SCN3A: variants seen among roughly 807,000 people sequenced by gnomAD.
SCN3A encodes the protein sodium voltage-gated channel alpha subunit 3.
Under a neutral mutation model 187.6 loss-of-function variants are expected in SCN3A, and 60 were observed. The observed-to-expected ratio is 0.32, with a 90% CI of 0.26 to 0.40. SCN3A has a LOEUF of 0.40. Ranked by LOEUF, SCN3A falls within the 10% of genes least tolerant of loss-of-function variation. SCN3A has a pLI of 1.00. For synonymous variants in SCN3A, 788 were observed against 829.2 expected (o/e 0.95, Z 0.85); for missense variants, 1,601 against 2,428.2 (o/e 0.66, Z 7.16).
chr2:165,101,541 A>C (rs1428954937), intron 21 of SCN3A, among the ~76,000 whole-genome samples: 1 of 152,184 alleles, frequency 6.6e-6, no homozygotes, highest in Non-Finnish European at 1.5e-5. Flanking sequence ...AACCTTTTGC[A>C]TCCATTAAAA....
chr2:165,094,316 C>A, intron 26 of SCN3A, 58 bp downstream of exon 26: 6 of 1,209,376 alleles, frequency 5.0e-6, no homozygotes, highest in South Asian at 1.2e-5. Flanking sequence ...GAGCATTGCT[C>A]AATTTGACCA....
intron 25 of SCN3A, 76 bp from the exon 26 acceptor site, chr2:165,094,554 T>G (rs980836960): frequency 1.1e-6 from 1 of 945,500 alleles, no homozygotes; most frequent in Non-Finnish European, 1.7e-6. Context: ...GTCTTTCCTT[T>G]AATCTTTTCT....
rs772007173 is a variant in SCN3A, at chr2:165,100,256, T to A, written c.3966+46A>T. 3 of 1,595,880 alleles carry A rather than the reference T, an allele frequency of 1.9e-6. No homozygotes were observed. The South Asian group carries it at 3.3e-5, about 18-fold the overall frequency. On this transcript the variant is annotated intron_variant, in intron 22 of 27. Transcript: ENST00000283254. The stretch of plus-strand genomic sequence containing the variant: ...ACCCTTTTCTATCTAAATCATTACC[T>A]ACATGTAATTTTGACATGAATAATT...
At chr2:165,141,239 C>T (rs990851684) in intron 12 of SCN3A, among the ~76,000 whole-genome samples, 4 of 152,048 alleles carry the variant, frequency 2.6e-5, no homozygotes, top group African/African-American at 9.7e-5. Context: ...AGTATACAAC[C>T]ACTTCATTTA....
At chr2:165,190,496 A>ATATATATATAACTT (rs1003153803) in intron 1 of SCN3A, among the ~76,000 whole-genome samples, 1 of 147,798 alleles carries the variant, frequency 6.8e-6, no homozygotes, top group Non-Finnish European at 1.5e-5. Context: ...GCACAAAGAT[A>ATATATATATAACTT]TATATATATA....
intron 25 of SCN3A, among the ~76,000 whole-genome samples, chr2:165,094,767 T>A (rs1282097098): frequency 6.6e-6 from 1 of 152,196 alleles, no homozygotes; most frequent in African/African-American, 2.4e-5. Flanking sequence ...AAACATTTTC[T>A]TAGTCCATTT....
At chr2:165,107,069 G>A (rs1196189513) in intron 21 of SCN3A, among the ~76,000 whole-genome samples, 1 of 152,136 alleles carries the variant, frequency 6.6e-6, no homozygotes, top group Non-Finnish European at 1.5e-5. Context: ...GACTAAGTAG[G>A]GAATTTGGAA....
At chr2:165,202,757 A>G (rs6712708) in intron 1 of SCN3A, among the ~76,000 whole-genome samples, 67 of 152,154 alleles carry the variant, frequency 4.4e-4, no homozygotes, top group African/African-American at 1.5e-3. Context: ...GGCACACTCT[A>G]TTTGGAGTGA....
intron 20 of SCN3A, 149 bp from the exon 21 acceptor site, chr2:165,113,207 T>TA: frequency 3.0e-6 from 2 of 666,370 alleles, no homozygotes; most frequent in Non-Finnish European, 5.1e-6. Context: ...ATCTAAAGAC[T>TA]AAACTAAGTG....
intron 12 of SCN3A, among the ~76,000 whole-genome samples, chr2:165,146,482 T>A (rs1688342207): frequency 6.8e-6 from 1 of 148,128 alleles, no homozygotes; most frequent in Non-Finnish European, 1.5e-5. Flanking sequence ...TCAATATATA[T>A]TATATATATC....
intron 2 of SCN3A, among the ~76,000 whole-genome samples, chr2:165,179,969 A>G (rs778949112): frequency 5.3e-5 from 8 of 152,032 alleles, no homozygotes; most frequent in Non-Finnish European, 1.0e-4. Context: ...TAATGATTAT[A>G]TGCACATTAT....
intron 18 of SCN3A, among the ~76,000 whole-genome samples, chr2:165,123,073 G>A (rs34980491): frequency 0.11 from 16,426 of 152,020 alleles, 1,041 homozygotes; most frequent in Non-Finnish European, 0.14. Context: ...AGTTATATAA[G>A]TATTTCAAGA....
intron 21 of SCN3A, 151 bp downstream of exon 21, chr2:165,112,734 G>A: frequency 1.4e-6 from 1 of 691,876 alleles, no homozygotes; most frequent in Non-Finnish European, 2.4e-6. Flanking sequence ...TTTCCCATGA[G>A]ATATTCCTCA....
chr2:165,201,526 T>A (rs1424823197), intron 1 of SCN3A, among the ~76,000 whole-genome samples: 1 of 151,978 alleles, frequency 6.6e-6, no homozygotes, highest in Non-Finnish European at 1.5e-5. Flanking sequence ...TGTTCCAGGA[T>A]CTATACCAAG....
chr2:165,101,968 C>A lies in SCN3A; in HGVS notation c.3844-1544G>T, dbSNP rs180913855. On this transcript the variant is annotated intron_variant, in intron 21 of 27. Transcript: ENST00000283254. ...TGGCAGGATAATTGATTGAGCTATT[C>A]ATTTCTGTCTTAGGTTTGCTGTTAT... Among the ~76,000 whole-genome samples the A allele has an allele frequency of 9.4e-3, 1,429 of 152,312 alleles. 14 individuals are homozygous for A. The highest frequency in any genetic ancestry group is 0.012 in the Non-Finnish European group (802 of 68,030).
At chr2:165,197,492 C>T (rs2105988162) in intron 1 of SCN3A, among the ~76,000 whole-genome samples, 1 of 151,976 alleles carries the variant, frequency 6.6e-6, no homozygotes, top group Admixed American at 6.6e-5. Context: ...AATGTGCATC[C>T]ACAGCTGTGG....
In SCN3A at chr2:165,176,787, A is replaced by C. The variant is rs551468549; in HGVS notation, c.-50-343T>G. On this transcript the variant is annotated intron_variant, in intron 2 of 27. Transcript: ENST00000283254. ...GCATTTAAAAAAATTCTGTTTTGAC[A>C]CTGTAAGCCAAAATATAGTATACTT... Among the ~76,000 whole-genome samples, 43 of 152,252 alleles carry C rather than the reference A, an allele frequency of 2.8e-4. No individual in the cohort carries two copies. The South Asian group carries it at 8.7e-3, about 31-fold the overall frequency.
Position 165,094,395 on chromosome 2 carries a change from C to T in SCN3A, c.4515G>A (p.Gln1505=). ...AMKKLGSKKP[Q]KPIPRPANKF... ...TTACTGCTGGGCGAGGTATGGGTTT[C>T]TGAGGTTTCTTGGATCCAAGTTTCT... Residue 1505 remains glutamine, a synonymous_variant, in exon 26 of 28, where the codon CAG becomes CAA. Coordinates refer to ENST00000283254, the MANE Select transcript of SCN3A (RefSeq NM_006922.4). 6.2e-7 allele frequency: 1 copy of T among 1,613,450 alleles called. No individual in the cohort carries two copies. Among genetic ancestry groups the T allele is most frequent in the South Asian group, 1.1e-5 (1 of 91,068 alleles).
At chr2:165,135,999 T>C (rs546629855) in intron 15 of SCN3A, among the ~76,000 whole-genome samples, 2 of 152,270 alleles carry the variant, frequency 1.3e-5, no homozygotes, top group East Asian at 3.9e-4. Flanking sequence ...CATAAAGTCA[T>C]AGAATTGTAG....
Sources: allele counts gnomAD v4.1 joint callset (sites outside exome capture counted in the v4.1 genomes callset), GRCh38; gene constraint gnomAD v4.1.1; transcripts MANE v1.5; gene names NCBI Gene and HGNC (gene_info 2026-07-23, HGNC 2026-07-21).